TCIRG1: variants seen among roughly 807,000 people sequenced by gnomAD.
TCIRG1 encodes T cell immune regulator 1, ATPase H+ transporting V0 subunit a3.
In TCIRG1, 86 loss-of-function variants were observed where a neutral mutation model predicts 95.5. That is an observed-to-expected ratio of 0.90 (90% CI 0.76 to 1.08). The LOEUF (loss-of-function observed/expected upper bound fraction) is 1.08, where lower values mean the gene tolerates loss of function less well. Among genes scored for constraint, TCIRG1 ranks in the 50% least tolerant of loss-of-function variants. The pLI, the probability that TCIRG1 is intolerant of heterozygous loss-of-function variation, is 0.00. For synonymous variants in TCIRG1, 499 were observed against 501.3 expected (o/e 1.00, Z 0.06); for missense variants, 1,069 against 1,140.2 (o/e 0.94, Z 0.90).
At chr11:68,045,226 A>T in intron 10 of TCIRG1, 124 bp downstream of exon 10, 2 of 1,176,070 alleles carry the variant, frequency 1.7e-6, no homozygotes, top group Non-Finnish European at 2.4e-6. Flanking sequence ...TGAGGGGCAC[A>T]CATCCCATCA....
In TCIRG1 at chr11:68,041,353, C is replaced by T. The variant is rs139397145; in HGVS notation, c.82C>T (p.Arg28Trp). The change falls in exon 2 of 20, where the codon CGG (arginine) becomes TGG (tryptophan). Residue 28 changes from arginine to tryptophan, a missense_variant. Physicochemically the swap from Arg to Trp is moderately radical, Grantham distance 101 (BLOSUM62 -3). Transcript: ENST00000265686. ...PTAAAYTCVS[R>W]LGELGLVEFR... ...AGCGGCTGCCTACACCTGCGTGAGT[C>T]GGCTGGGCGAGCTGGGCCTCGTGGA... 6.8e-4 allele frequency: 1,098 copies of T among 1,612,850 alleles called. No individual in the cohort carries two copies. The highest frequency in any genetic ancestry group is 8.6e-4 in the Non-Finnish European group (1,018 of 1,179,810).
At position 68,041,337 on chromosome 11, in the gene TCIRG1, C is replaced by T. The variant is rs746440466; in HGVS notation, c.66C>T (p.Ala22=). 1 of 1,613,160 alleles carries T rather than the reference C, an allele frequency of 6.2e-7. No individual in the cohort carries two copies. Among genetic ancestry groups the T allele is most frequent in the Admixed American group, 1.7e-5 (1 of 60,008 alleles). Residue 22 remains alanine (A), a synonymous_variant, in exon 2 of 20, where the codon GCC becomes GCT. Coordinates refer to ENST00000265686, the MANE Select transcript of TCIRG1 (RefSeq NM_006019.4). ...AGCTCTTTCTGCCCACAGCGGCTGCCTACACCTGCGTGAGTCGGCTGGGCG... is the reference window on the plus strand; with the variant it reads ...AGCTCTTTCTGCCCACAGCGGCTGCTTACACCTGCGTGAGTCGGCTGGGCG... ...LVQLFLPTAA[A]YTCVSRLGEL... is the part of the protein sequence containing the mutation.
rs1239069079 is a variant in TCIRG1, at chr11:68,044,986, A to G, written c.1049A>G (p.His350Arg). Residue 350 changes from histidine (H) to arginine (R), a missense_variant, in exon 10 of 20, where the codon CAC (histidine) becomes CGC (arginine). Physicochemically the swap from His to Arg is conservative, Grantham distance 29. Transcript: ENST00000265686. Reference sequence around the variant, plus strand: ...GAGGAGGGAGTGAGTGCCGTGGCTCACCGCATCCCCTGCCGGGACATGCCC... The same window carrying G: ...GAGGAGGGAGTGAGTGCCGTGGCTCGCCGCATCCCCTGCCGGGACATGCCC... ...SMEEGVSAVA[H>R]RIPCRDMPPT... 1.9e-6 allele frequency: 3 copies of G among 1,608,600 alleles called. No homozygotes were observed. Among genetic ancestry groups the G allele is most frequent in the Non-Finnish European group, 2.5e-6 (3 of 1,179,954 alleles).
At chr11:68,052,600 G>T (rs113962336), downstream of TCIRG1, among the ~76,000 whole-genome samples, 85 of 152,338 alleles carry the variant, frequency 5.6e-4, 2 homozygotes, top group African/African-American at 2.0e-3. Context: ...CACCAGCACT[G>T]CTCCCAGTCT....
chr11:68,042,370 G>A (rs1005061387), intron 3 of TCIRG1, among the ~76,000 whole-genome samples: 107 of 152,314 alleles, frequency 7.0e-4, no homozygotes, highest in African/African-American at 2.2e-3. Flanking sequence ...CGCCAGCTCC[G>A]GTCCCAAGCC....
intron 14 of TCIRG1, 23 bp from the exon 15 acceptor site, chr11:68,049,058 C>A: frequency 6.2e-7 from 1 of 1,612,880 alleles, no homozygotes; most frequent in Non-Finnish European, 8.5e-7. Flanking sequence ...CCCCAGTGAG[C>A]ACACCTCCCT....
At position 68,042,733 on chromosome 11, in the gene TCIRG1, G is replaced by A. The variant is rs1319738175; in HGVS notation, c.287G>A (p.Arg96His). The change falls in exon 4 of 20, where the codon CGC becomes CAC. Residue 96 changes from arginine to histidine, a missense_variant. Transcript: ENST00000265686. ...GCACCCCCACCCCGGGACCTGCTGC[G>A]CATCCAGGAGGAGACGGAGCGCCTG... is the stretch of plus-strand genomic sequence containing the variant. ...LPAPPPRDLL[R>H]IQEETERLAQ... 17 of 1,546,708 alleles carry A rather than the reference G, an allele frequency of 1.1e-5. No individual in the cohort carries two copies. Among genetic ancestry groups the A allele is most frequent in the South Asian group, 2.4e-5 (2 of 83,914 alleles).
Position 68,043,620 on chromosome 11 carries a change from A to T in TCIRG1, c.680A>T (p.Gln227Leu). 6.2e-7 allele frequency: 1 copy of T among 1,611,440 alleles called. No individual in the cohort carries two copies. The highest frequency in any genetic ancestry group is 8.5e-7 in the Non-Finnish European group (1 of 1,179,326). Residue 227 changes from glutamine to leucine, a missense_variant, in exon 7 of 20, where the codon CAG (glutamine) becomes CTG (leucine). By Grantham distance (113) the Gln-to-Leu change is moderately radical. Coordinates refer to ENST00000265686, the MANE Select transcript of TCIRG1 (RefSeq NM_006019.4). ...MTFLISYWGE[Q>L]IGQKIRKITD... ...TTCCTCATCTCCTACTGGGGTGAGCAGATCGGACAGAAGATCCGCAAGATC... is the reference window on the plus strand; with the variant it reads ...TTCCTCATCTCCTACTGGGGTGAGCTGATCGGACAGAAGATCCGCAAGATC...
In TCIRG1 at chr11:68,047,589, G is replaced by A; in HGVS notation, c.1305+17G>A. ...CAGAACGAGGTGAGGGGCGGGGCTG[G>A]GGTCCTGATGAGGGTAGCAGGGCCA... On this transcript the variant is annotated intron_variant, in intron 11 of 19. Coordinates refer to ENST00000265686, the MANE Select transcript of TCIRG1 (RefSeq NM_006019.4). 1 of 1,613,376 alleles carries A rather than the reference G, an allele frequency of 6.2e-7. No homozygotes were observed. Among genetic ancestry groups the A allele is most frequent in the South Asian group, 1.1e-5 (1 of 91,090 alleles).
chr11:68,043,750 C>T (rs1855302917), intron 7 of TCIRG1, 64 bp from the exon 8 acceptor site: 1 of 1,542,468 alleles, frequency 6.5e-7, no homozygotes, highest in Non-Finnish European at 8.8e-7. Context: ...CATGAGCTCC[C>T]TTCAGACTCA....
At chr11:68,049,908 G>A in intron 16 of TCIRG1, 54 bp from the exon 17 acceptor site, 3 of 1,567,762 alleles carry the variant, frequency 1.9e-6, no homozygotes, top group Non-Finnish European at 2.6e-6. Flanking sequence ...CTGGCGGGTG[G>A]TGGGGGACCT....
chr11:68,048,114 A>C (rs1403108436), intron 13 of TCIRG1, 142 bp downstream of exon 13: 4 of 789,168 alleles, frequency 5.1e-6, no homozygotes, highest in South Asian at 1.4e-5. Flanking sequence ...AGAGGCAGAC[A>C]AGCCTCCTGC....
intron 15 of TCIRG1, 102 bp from the exon 16 acceptor site, chr11:68,049,561 G>A: frequency 6.7e-7 from 1 of 1,488,878 alleles, no homozygotes; most frequent in Non-Finnish European, 9.1e-7. Flanking sequence ...CCTGGAGGGA[G>A]GAGCGACCGC....
At position 68,044,214 on chromosome 11, in the gene TCIRG1, A is replaced by G. The variant is rs1855347048; in HGVS notation, c.890A>G (p.His297Arg). The G allele has an allele frequency of 6.4e-7, 1 of 1,574,518 alleles. No individual in the cohort carries two copies. Residue 297 changes from histidine (H) to arginine (R), a missense_variant, in exon 9 of 20, where the codon CAC becomes CGC. His to Arg is a conservative substitution (Grantham distance 29). Transcript: ENST00000265686. ...QLLPPGQVQVHKMKAVYLALN... is the reference protein window; with the variant it reads ...QLLPPGQVQVRKMKAVYLALN... Reference sequence around the variant, plus strand: ...CTGCCGCCAGGGCAGGTGCAGGTCCACAAGATGAAGGCCGTGTACCTGGCC... The same window carrying G: ...CTGCCGCCAGGGCAGGTGCAGGTCCGCAAGATGAAGGCCGTGTACCTGGCC...
chr11:68,045,137 A>C (rs766602388), intron 10 of TCIRG1, 35 bp downstream of exon 10: 7 of 1,598,512 alleles, frequency 4.4e-6, no homozygotes, highest in Non-Finnish European at 5.9e-6. Context: ...GTGTCCTGGG[A>C]GGCTCAGCTG....
chr11:68,043,015 C>G lies in TCIRG1; in HGVS notation c.487C>G (p.Gln163Glu), dbSNP rs1385741705. Reference sequence around the variant, plus strand: ...GCTCCAGGCCCCCGGGGGGCCGCACCAGGACCTGAGGGTCAAGTGAGTGAG... The same window carrying G: ...GCTCCAGGCCCCCGGGGGGCCGCACGAGGACCTGAGGGTCAAGTGAGTGAG... ...PLLQAPGGPH[Q>E]DLRVNFVAGA... Residue 163 changes from glutamine to glutamate, a missense_variant, in exon 5 of 20, where the codon CAG becomes GAG. Transcript: ENST00000265686. 1 of 1,551,020 alleles carries G rather than the reference C, an allele frequency of 6.4e-7. No homozygotes were observed.
chr11:68,042,612 C>T, intron 3 of TCIRG1, 31 bp from the exon 4 acceptor site: 1 of 1,527,492 alleles, frequency 6.5e-7, no homozygotes, highest in South Asian at 1.2e-5. Flanking sequence ...ACAACCTCAA[C>T]TGCACCCCAC....
At position 68,041,408 on chromosome 11, in the gene TCIRG1, G is replaced by A. The variant is rs780455595; in HGVS notation, c.117+20G>A. ...AGAGACGTGAGTTGGGTGGGCAGGCGTGGGAAGGGGGCTACTGCCAAGGTT... is the reference window on the plus strand; with the variant it reads ...AGAGACGTGAGTTGGGTGGGCAGGCATGGGAAGGGGGCTACTGCCAAGGTT... On this transcript the variant is annotated intron_variant, in intron 2 of 19. Transcript: ENST00000265686. 10 of 1,548,308 alleles carry A rather than the reference G, an allele frequency of 6.5e-6. No homozygotes were observed. The highest frequency in any genetic ancestry group is 3.3e-5 in the South Asian group (3 of 89,804).
At chr11:68,047,279 C>T (rs1855549507) in intron 10 of TCIRG1, among the ~76,000 whole-genome samples, 154 bp from the exon 11 acceptor site, 1 of 144,436 alleles carries the variant, frequency 6.9e-6, no homozygotes, top group Non-Finnish European at 1.5e-5. Flanking sequence ...TCTCGGCCTC[C>T]CAGAGTGCTG....
Sources: gnomAD v4.1 joint callset for allele counts (sites outside exome capture counted in the v4.1 genomes callset) on GRCh38, gnomAD v4.1.1 for gene constraint, MANE v1.5 for transcripts, NCBI Gene and HGNC (gene_info 2026-07-23, HGNC 2026-07-21) for gene names.